The following PBRM1 variants were observed in gnomAD, a reference collection of about 807,000 sequenced individuals.
PBRM1 encodes polybromo 1.
In PBRM1, 27 loss-of-function variants were observed where a neutral mutation model predicts 194.5. The observed-to-expected ratio is 0.14, with a 90% CI of 0.10 to 0.19. The LOEUF (loss-of-function observed/expected upper bound fraction) is 0.19. PBRM1 is among the 10% of genes least tolerant of loss of function. The pLI is 1.00. For synonymous variants in PBRM1, 655 were observed against 693.2 expected, an observed-to-expected ratio of 0.94 and a Z score of 0.87; for missense variants, 1,466 against 2,077.2, an observed-to-expected ratio of 0.71 and a Z score of 5.72.
intron 18 of PBRM1, 32 bp from the exon 21 acceptor site, chr3:52,587,542 GAA>G: frequency 7.6e-7 from 1 of 1,310,498 alleles, no homozygotes; most frequent in Non-Finnish European, 1.1e-6. Context: ...AAGGGGAAGA[GAA>G]AGAGAATCAT....
chr3:52,605,810 C>A (rs1054500284), intron 16 of PBRM1, among the ~76,000 whole-genome samples: 4 of 151,972 alleles, frequency 2.6e-5, no homozygotes, highest in African/African-American at 9.7e-5. Flanking sequence ...ACCATGTTGG[C>A]CAGGCTGGTC....
chr3:52,652,021 A>G (rs1248694672), intron 5 of PBRM1, among the ~76,000 whole-genome samples: 2 of 152,250 alleles, frequency 1.3e-5, no homozygotes, highest in Non-Finnish European at 2.9e-5. Context: ...CAACAGCATG[A>G]CTTAGGAGTT....
chr3:52,583,320 G>A (rs1225209373), intron 20 of PBRM1, among the ~76,000 whole-genome samples: 1 of 150,470 alleles, frequency 6.6e-6, no homozygotes, highest in Non-Finnish European at 1.5e-5. Context: ...TGAGGCAGCA[G>A]AATCACTTGA....
chr3:52,552,171 G>C (rs2081133227), intron 27 of PBRM1, among the ~76,000 whole-genome samples: 2 of 152,132 alleles, frequency 1.3e-5, no homozygotes, highest in Admixed American at 6.5e-5. Context: ...ATTAACCTCT[G>C]TGCCCATCAC....
At chr3:52,607,201 T>C (rs1378483405) in intron 16 of PBRM1, among the ~76,000 whole-genome samples, 2 of 152,228 alleles carry the variant, frequency 1.3e-5, no homozygotes, top group Non-Finnish European at 2.9e-5. Context: ...TAAGTACTTA[T>C]TCTTAATAAG....
intron 2 of PBRM1, among the ~76,000 whole-genome samples, chr3:52,677,683 G>A (rs2097136281): frequency 6.6e-6 from 1 of 152,048 alleles, no homozygotes; most frequent in Non-Finnish European, 1.5e-5. Context: ...AAAGTGCTAG[G>A]ATTACAGGAA....
At chr3:52,627,858 G>A (rs1053144026) in intron 12 of PBRM1, among the ~76,000 whole-genome samples, 4 of 152,206 alleles carry the variant, frequency 2.6e-5, no homozygotes, top group African/African-American at 9.6e-5. Context: ...CTTAGGGAAT[G>A]TACAGAGTAC....
intron 22 of PBRM1, among the ~76,000 whole-genome samples, chr3:52,571,460 T>G (rs2153602700): frequency 6.6e-6 from 1 of 150,876 alleles, no homozygotes; most frequent in African/African-American, 2.4e-5. Context: ...ACCCCGTCTC[T>G]ACTAAAATAC....
chr3:52,564,062 A>G (rs1212361524), exon 23 of PBRM1: 1 of 1,604,958 alleles, frequency 6.2e-7, no homozygotes, highest in Non-Finnish European at 8.5e-7. Flanking sequence ...GAAGTAGTAA[A>G]TTTCATCATC....
intron 27 of PBRM1, among the ~76,000 whole-genome samples, chr3:52,553,520 A>G (rs929525556): frequency 8.0e-5 from 11 of 136,760 alleles, no homozygotes; most frequent in Admixed American, 4.6e-4. Context: ...ACAGGATCTC[A>G]TTCTGTCGCT....
rs1288165388 is a variant in PBRM1 at position 52,582,825 on chromosome 3, C to T, written c.3387+3600G>A. Among the ~76,000 whole-genome samples, 8 of 150,014 alleles carry T rather than the reference C, an allele frequency of 5.3e-5. No homozygotes were observed. In the East Asian group the frequency reaches 6.2e-4, roughly 12 times the overall value. Reference sequence around the variant, plus strand: ...TGGGTCAAAGACACCGGGCCGGGCACGGTGGCTCACGCCTGTAATCCCAGT... The same window carrying T: ...TGGGTCAAAGACACCGGGCCGGGCATGGTGGCTCACGCCTGTAATCCCAGT... On this transcript the variant is annotated intron_variant, in intron 20 of 29. Transcript: ENST00000296302.
downstream of PBRM1, chr3:52,546,150 C>T (rs2079652977): frequency 4.3e-6 from 1 of 232,050 alleles, no homozygotes; most frequent in Non-Finnish European, 8.5e-6. Flanking sequence ...TAGAGGCTCC[C>T]CAAAGAAGTC....
chr3:52,659,909 T>C (rs1484559270), intron 4 of PBRM1, among the ~76,000 whole-genome samples: 1 of 152,160 alleles, frequency 6.6e-6, no homozygotes, highest in African/African-American at 2.4e-5. Context: ...CTGGCCAACA[T>C]GGTGAAACCT....
chr3:52,660,484 A>G (rs1001862687), intron 4 of PBRM1, among the ~76,000 whole-genome samples: 2 of 151,966 alleles, frequency 1.3e-5, no homozygotes, highest in African/African-American at 4.8e-5. Context: ...ATATGTGTGT[A>G]TATATATTTT....
intron 20 of PBRM1, among the ~76,000 whole-genome samples, chr3:52,581,465 G>A (rs2091156971): frequency 6.7e-6 from 1 of 149,530 alleles, no homozygotes; most frequent in Admixed American, 6.7e-5. Context: ...AGCCGAGATT[G>A]TGCCGCTATA....
intron 3 of PBRM1, among the ~76,000 whole-genome samples, chr3:52,667,734 T>C (rs145197159): frequency 9.4e-4 from 96 of 101,754 alleles, no homozygotes; most frequent in African/African-American, 3.6e-3. Flanking sequence ...GCCTGGGCAA[T>C]AGACTTTGCC....
intron 20 of PBRM1, among the ~76,000 whole-genome samples, chr3:52,580,460 G>C (rs1266682477): frequency 6.6e-6 from 1 of 151,994 alleles, no homozygotes; most frequent in Non-Finnish European, 1.5e-5. Flanking sequence ...CCGGGTTCAC[G>C]CCATTCTCCT....
chr3:52,562,013 G>T, intron 24 of PBRM1, 45 bp from the exon 27 acceptor site: 1 of 1,494,104 alleles, frequency 6.7e-7, no homozygotes, highest in Non-Finnish European at 9.3e-7. Context: ...CATTACATTT[G>T]GTTAACTGCT....
intron 4 of PBRM1, among the ~76,000 whole-genome samples, chr3:52,659,070 C>T (rs1264620484): frequency 2.0e-5 from 3 of 152,188 alleles, no homozygotes; most frequent in African/African-American, 4.8e-5. Flanking sequence ...CCACGGGGTG[C>T]TCTACCAAGT....
Sources: gnomAD v4.1 joint callset for allele counts (sites outside exome capture counted in the v4.1 genomes callset) on GRCh38, gnomAD v4.1.1 for gene constraint, MANE v1.5 for transcripts, NCBI Gene and HGNC (gene_info 2026-07-23, HGNC 2026-07-21) for gene names.